Variants in TAOK1 observed in about 807,000 individuals in gnomAD.
TAOK1 encodes the protein TAO kinase 1.
Under a neutral mutation model 138.3 loss-of-function variants are expected in TAOK1, and 21 were observed. That is an observed-to-expected ratio of 0.15 (90% CI 0.11 to 0.22). TAOK1 has a LOEUF of 0.22. Among genes scored for constraint, TAOK1 ranks in the 10% least tolerant of loss-of-function variants. TAOK1 has a pLI of 1.00. For synonymous variants in TAOK1, 361 were observed against 398.4 expected, an observed-to-expected ratio of 0.91 and a Z score of 1.12; for missense variants, 651 against 1,227.7, an observed-to-expected ratio of 0.53 and a Z score of 7.02.
At chr17:29,441,440 T>A (rs2029938098) in intron 1 of TAOK1, among the ~76,000 whole-genome samples, 1 of 152,234 alleles carries the variant, frequency 6.6e-6, no homozygotes, top group Admixed American at 6.5e-5. Context: ...CTTTACTTGT[T>A]GAAATTAGAT....
intron 16 of TAOK1, among the ~76,000 whole-genome samples, 173 bp downstream of exon 16, chr17:29,517,829 G>T (rs535936655): frequency 3.3e-5 from 5 of 152,110 alleles, no homozygotes. Context: ...TTACTCAGAT[G>T]TCATTTCCTC....
intron 8 of TAOK1, among the ~76,000 whole-genome samples, chr17:29,486,221 CA>C (rs1472455646): frequency 3.3e-5 from 5 of 152,068 alleles, no homozygotes; most frequent in African/African-American, 1.2e-4. Context: ...CCCAGGAGGT[CA>C]AGGTTGCAGT....
chr17:29,510,956 AAG>A lies in TAOK1; in HGVS notation c.1673_1674del (p.Glu558ValfsTer2). 6.2e-7 allele frequency: 1 copy of A among 1,609,054 alleles called. No homozygotes were observed. The highest frequency in any genetic ancestry group is 8.5e-7 in the Non-Finnish European group (1 of 1,178,038). On this transcript the variant is annotated frameshift_variant, in exon 15 of 20. Coordinates refer to ENST00000261716, the MANE Select transcript of TAOK1 (RefSeq NM_020791.4). LOFTEE classifies it high-confidence loss of function. ...ELNSFLESQK[R>X]EYKLRKEQLK... ...TGAATAGTTTTCTCGAGTCCCAGAA[AAG>A]AGAGTATAAACTTCGAAAAGAGCAG...
At chr17:29,483,915 G>A (rs1318278749) in intron 8 of TAOK1, among the ~76,000 whole-genome samples, 1 of 152,160 alleles carries the variant, frequency 6.6e-6, no homozygotes, top group African/African-American at 2.4e-5. Flanking sequence ...TACAGAAGCT[G>A]GTTAATGTAC....
At chr17:29,484,912 G>A (rs186131554) in intron 8 of TAOK1, among the ~76,000 whole-genome samples, 10 of 152,238 alleles carry the variant, frequency 6.6e-5, no homozygotes, top group Admixed American at 4.6e-4. Flanking sequence ...ATGCAAATCC[G>A]ATTCAGTCTT....
chr17:29,401,936 C>A (rs1271922666), intron 1 of TAOK1, among the ~76,000 whole-genome samples: 1 of 152,184 alleles, frequency 6.6e-6, no homozygotes, highest in East Asian at 1.9e-4. Flanking sequence ...AAGCGTGAGC[C>A]ACTGTGCCTG....
At chr17:29,528,081 ACT>A (rs1470552850) in intron 17 of TAOK1, among the ~76,000 whole-genome samples, 2 of 151,798 alleles carry the variant, frequency 1.3e-5, no homozygotes, top group African/African-American at 4.8e-5. Flanking sequence ...ACAGAGTCTC[ACT>A]CTGTTGCCCA....
intron 2 of TAOK1, among the ~76,000 whole-genome samples, chr17:29,465,653 A>G (rs1001170003): frequency 6.6e-6 from 1 of 152,090 alleles, no homozygotes; most frequent in South Asian, 2.1e-4. Flanking sequence ...TTGGGAATTC[A>G]TTAGAGCCTG....
intron 3 of TAOK1, among the ~76,000 whole-genome samples, chr17:29,472,592 A>G (rs1285465842): frequency 4.3e-5 from 3 of 70,262 alleles, no homozygotes; most frequent in African/African-American, 6.3e-5. Context: ...TTTTTTTTTG[A>G]GATGGAGTTT....
intron 1 of TAOK1, among the ~76,000 whole-genome samples, chr17:29,419,445 C>T (rs1263865302): frequency 1.3e-5 from 2 of 151,880 alleles, no homozygotes; most frequent in African/African-American, 2.4e-5. Context: ...ATCCACCCGC[C>T]TCGGCCTCCC....
chr17:29,480,532 T>C (rs1162299744), intron 7 of TAOK1, 51 bp downstream of exon 7: 6 of 1,446,856 alleles, frequency 4.1e-6, no homozygotes, highest in Middle Eastern at 1.8e-4. Context: ...TGTCTATGTT[T>C]AACATGAAAT....
At chr17:29,537,018 T>C (rs987122212) in intron 19 of TAOK1, among the ~76,000 whole-genome samples, 2 of 152,148 alleles carry the variant, frequency 1.3e-5, no homozygotes, top group Non-Finnish European at 2.9e-5. Flanking sequence ...CCATCTTTTA[T>C]ATTTGAAATT....
At chr17:29,495,922 A>G (rs1242784274) in intron 11 of TAOK1, among the ~76,000 whole-genome samples, 195 bp downstream of exon 11, 5 of 152,142 alleles carry the variant, frequency 3.3e-5, no homozygotes, top group Non-Finnish European at 7.3e-5. Flanking sequence ...AGTTAAAAAA[A>G]AAGTTTTTTT....
At chr17:29,519,448 G>A (rs1271391751) in intron 16 of TAOK1, among the ~76,000 whole-genome samples, 1 of 152,070 alleles carries the variant, frequency 6.6e-6, no homozygotes, top group Non-Finnish European at 1.5e-5. Flanking sequence ...GAACCCAAGA[G>A]GCGGAGGTTG....
At chr17:29,391,273 A>G (rs138718160) in intron 1 of TAOK1, among the ~76,000 whole-genome samples, 2 of 152,228 alleles carry the variant, frequency 1.3e-5, no homozygotes, top group Non-Finnish European at 2.9e-5. Context: ...GGATGTTTCG[A>G]GGAAGGTGTG....
At chr17:29,483,188 C>T (rs972556444) in intron 8 of TAOK1, among the ~76,000 whole-genome samples, 3 of 152,136 alleles carry the variant, frequency 2.0e-5, no homozygotes, top group African/African-American at 7.2e-5. Context: ...AGCAATCCTC[C>T]CACCTCAGCC....
intron 11 of TAOK1, among the ~76,000 whole-genome samples, chr17:29,497,387 T>TA (rs995819786): frequency 2.6e-5 from 4 of 152,176 alleles, no homozygotes; most frequent in Non-Finnish European, 5.9e-5. Context: ...AATACTTTAA[T>TA]AAAGTGAAAT....
chr17:29,536,951 C>G (rs1189975858), intron 19 of TAOK1, among the ~76,000 whole-genome samples: 1 of 152,066 alleles, frequency 6.6e-6, no homozygotes, highest in Non-Finnish European at 1.5e-5. Context: ...CCGCCTGCCT[C>G]GGCCTCCCAA....
intron 2 of TAOK1, among the ~76,000 whole-genome samples, chr17:29,457,117 A>G (rs1325474231): frequency 5.5e-5 from 6 of 108,810 alleles, no homozygotes; most frequent in African/African-American, 2.4e-4. Context: ...TTTTTGAGAC[A>G]GAGTCTCACT....
Sources: gnomAD v4.1 joint callset for allele counts (sites outside exome capture counted in the v4.1 genomes callset) on GRCh38, gnomAD v4.1.1 for gene constraint, MANE v1.5 for transcripts, NCBI Gene and HGNC (gene_info 2026-07-23, HGNC 2026-07-21) for gene names.